The following SPOCD1 variants were observed in gnomAD, a reference collection of about 807,000 sequenced individuals.
SPOCD1 encodes SPOC domain containing 1, also known as SPOC domain-containing protein 1.
In SPOCD1, 64 loss-of-function variants were observed where a neutral mutation model predicts 92.2. The ratio of observed to expected loss-of-function variants is 0.69; its 90% CI spans 0.57 to 0.86. The LOEUF is 0.86. Among genes scored for constraint, SPOCD1 ranks in the 40% least tolerant of loss-of-function variants. SPOCD1 has a pLI of 0.00. For missense variants in SPOCD1, 1,360 were observed against 1,543.1 expected (o/e 0.88, Z 1.99); for synonymous variants, 578 against 619.3 (o/e 0.93, Z 0.99).
In SPOCD1 at chr1:31,793,772, A is replaced by G; in HGVS notation, c.2509T>C (p.Leu837=). 1 of 1,613,890 alleles carries G rather than the reference A, an allele frequency of 6.2e-7. No homozygotes were observed. Among genetic ancestry groups the G allele is most frequent in the Non-Finnish European group, 8.5e-7 (1 of 1,179,984 alleles). The stretch of plus-strand genomic sequence containing the variant: ...CTGTCCTGTGGTTCCGTGGGAGACA[A>G]CTCCCTGGTTTTGGGCATCTCTGGA... ...PAPEMPKTRE[L]SPTEPQDRVP... The change falls in exon 12 of 16, where the codon TTG becomes CTG. Residue 837 remains leucine, a synonymous_variant. Transcript: ENST00000360482.
At position 31,793,875 on chromosome 1, in the gene SPOCD1, C is replaced by A; in HGVS notation, c.2406G>T (p.Leu802=). The A allele has an allele frequency of 6.2e-7, 1 of 1,613,112 alleles. No individual in the cohort carries two copies. The highest frequency in any genetic ancestry group is 2.2e-5 in the East Asian group (1 of 44,850). ...ICKDWEPSNE[L]LGSFEAAKSC... ...TCTTGGCGGCTTCGAAGGAGCCTAG[C>A]AGCTCATTCGAGGGCTCCCAGTCTG... The change falls in exon 12 of 16, where the codon CTG becomes CTT. Residue 802 remains leucine (L), a synonymous_variant. Coordinates refer to ENST00000360482, the MANE Select transcript of SPOCD1 (RefSeq NM_144569.7).
intron 2 of SPOCD1, among the ~76,000 whole-genome samples, chr1:31,804,817 G>A (rs2149111084): frequency 6.6e-6 from 1 of 151,908 alleles, no homozygotes; most frequent in Non-Finnish European, 1.5e-5. Flanking sequence ...AAAAAGATAG[G>A]ACTAATTTAC....
intron 2 of SPOCD1, among the ~76,000 whole-genome samples, chr1:31,810,796 A>C (rs1350595541): frequency 6.6e-6 from 1 of 152,148 alleles, no homozygotes; most frequent in African/African-American, 2.4e-5. Context: ...ACCTCTTGAC[A>C]CTTTGCAGCT....
intron 2 of SPOCD1, among the ~76,000 whole-genome samples, chr1:31,805,169 A>G (rs1648739790): frequency 6.6e-6 from 1 of 151,394 alleles, no homozygotes; most frequent in Admixed American, 6.6e-5. Flanking sequence ...TATTTTTAGT[A>G]GAGACAGGGT....
At position 31,793,732 on chromosome 1, in the gene SPOCD1, C is replaced by T; in HGVS notation, c.2534+15G>A. On this transcript the variant is annotated intron_variant, in intron 12 of 15. Transcript: ENST00000360482. Reference sequence around the variant, plus strand: ...CCCTGCTGGGTTATCCACCTCCCTGCTCCCAACCCCACACCTGTCCTGTGG... The same window carrying T: ...CCCTGCTGGGTTATCCACCTCCCTGTTCCCAACCCCACACCTGTCCTGTGG... 6.2e-7 allele frequency: 1 copy of T among 1,613,920 alleles called. No individual in the cohort carries two copies.
chr1:31,799,863 T>G lies in SPOCD1; in HGVS notation c.1729A>C (p.Ser577Arg). The G allele has an allele frequency of 6.2e-7, 1 of 1,614,100 alleles. No individual in the cohort carries two copies. The highest frequency in any genetic ancestry group is 8.5e-7 in the Non-Finnish European group (1 of 1,180,008). The stretch of plus-strand genomic sequence containing the variant: ...TCCTCTTCAGCCTCCATTGGGCCAC[T>G]CTGTAGGGGAGGCGTGAGGAATTGA... ...DPSSDPACSQ[S>R]GPMEAEEDSL... The change falls in exon 6 of 16, where the codon AGT (serine) becomes CGT (arginine). Residue 577 changes from serine to arginine, a missense_variant and splice_region_variant. This residue lies in a region of SPOCD1 where 606 missense variants were observed against 601.5 expected (regional missense o/e 1.01). Coordinates refer to ENST00000360482, the MANE Select transcript of SPOCD1 (RefSeq NM_144569.7).
In SPOCD1 at chr1:31,796,718, G is replaced by C. The variant is rs1273525252; in HGVS notation, c.2146-3C>G. On this transcript the variant is annotated splice_polypyrimidine_tract_variant and splice_region_variant and intron_variant, in intron 9 of 15. Transcript: ENST00000360482. Reference sequence around the variant, plus strand: ...TGCTGCTCAATGATATTCAGGCCCTGAAGAGGTGGAGCAGGCCAAGCTGAG... The same window carrying C: ...TGCTGCTCAATGATATTCAGGCCCTCAAGAGGTGGAGCAGGCCAAGCTGAG... The C allele has an allele frequency of 6.2e-7, 1 of 1,614,236 alleles. No homozygotes were observed.
Position 31,798,356 on chromosome 1 carries a change from C to G in SPOCD1, c.2029-33G>C. ...GGGCAGGGGGCAGGGCTGCACCACA[C>G]GCTGAAAGAGCTCCCCCACCCTAGC... On this transcript the variant is annotated intron_variant, in intron 8 of 15. Coordinates refer to ENST00000360482, the MANE Select transcript of SPOCD1 (RefSeq NM_144569.7). The surrounding 1 kb of genome is among the most constrained non-coding windows in gnomAD (Gnocchi z 4.1). 2 of 1,600,738 alleles carry G rather than the reference C, an allele frequency of 1.2e-6. No individual in the cohort carries two copies. Among genetic ancestry groups the G allele is most frequent in the Non-Finnish European group, 1.7e-6 (2 of 1,171,690 alleles).
At chr1:31,799,579 G>C (rs1648290758) in intron 6 of SPOCD1, 94 bp from the exon 7 acceptor site, 1 of 1,236,794 alleles carries the variant, frequency 8.1e-7, no homozygotes. Flanking sequence ...GACAGGAGAG[G>C]GGTCCCACCC....
intron 13 of SPOCD1, 36 bp from the exon 14 acceptor site, chr1:31,792,803 C>T (rs1647702217): frequency 2.0e-6 from 3 of 1,521,908 alleles, no homozygotes; most frequent in Admixed American, 1.9e-5. Flanking sequence ...AGCTCCCCAG[C>T]TTCCCACCCA....
chr1:31,810,734 G>A (rs1165528103), intron 2 of SPOCD1, among the ~76,000 whole-genome samples: 1 of 152,156 alleles, frequency 6.6e-6, no homozygotes, highest in Non-Finnish European at 1.5e-5. Flanking sequence ...CTAATGAAAC[G>A]AGCTCCTCTT....
At chr1:31,792,564 G>A (rs1388426760) in intron 14 of SPOCD1, 114 bp downstream of exon 14, 1 of 1,140,090 alleles carries the variant, frequency 8.8e-7, no homozygotes, top group Non-Finnish European at 1.3e-6. Context: ...TGAGTCTGCA[G>A]TCACTCTGGG....
chr1:31,814,433 A>G lies in SPOCD1; in HGVS notation c.901T>C (p.Cys301Arg), dbSNP rs760527162. ...TGDGPQPGSP[C>R]GPVGFPVPSG... ...GGCACTGGGAACCCGACAGGGCCACAGGGGCTGCCTGGCTGGGGCCCATCC... is the reference window on the plus strand; with the variant it reads ...GGCACTGGGAACCCGACAGGGCCACGGGGGCTGCCTGGCTGGGGCCCATCC... The change falls in exon 2 of 16, where the codon TGT becomes CGT. Residue 301 changes from cysteine (C) to arginine (R), a missense_variant. Physicochemically the swap from Cys to Arg is radical, Grantham distance 180 (BLOSUM62 -3). Around this residue, in one of 3 missense-constraint regions of SPOCD1, gnomAD observed 606 missense variants for 601.5 expected, o/e 1.01. Coordinates refer to ENST00000360482, the MANE Select transcript of SPOCD1 (RefSeq NM_144569.7). This position sits in a 1 kb window ranked among gnomAD's most constrained non-coding sequence, Gnocchi z 4.2. 7.5e-6 allele frequency: 12 copies of G among 1,607,056 alleles called. No individual in the cohort carries two copies. The highest frequency in any genetic ancestry group is 1.0e-5 in the Non-Finnish European group (12 of 1,176,538).
intron 11 of SPOCD1, 105 bp downstream of exon 11, chr1:31,794,019 G>C: frequency 6.6e-7 from 1 of 1,504,420 alleles, no homozygotes; most frequent in Non-Finnish European, 9.1e-7. Flanking sequence ...GGGCACCCCT[G>C]CTCTGCCACC....
chr1:31,811,070 G>A (rs373281407), intron 2 of SPOCD1, among the ~76,000 whole-genome samples: 2 of 152,076 alleles, frequency 1.3e-5, no homozygotes, highest in East Asian at 1.9e-4. Flanking sequence ...AATACAACAC[G>A]GCCAGCCTCT....
Position 31,790,484 on chromosome 1 carries a change from G to GC in SPOCD1, c.*118_*119insG. 2.3e-6 allele frequency: 2 copies of GC among 883,666 alleles called. No homozygotes were observed. Among genetic ancestry groups the GC allele is most frequent in the Middle Eastern group, 3.1e-4 (1 of 3,186 alleles). 54.7% of individuals were successfully genotyped at this position (883,666 alleles called of 1,614,324 possible). A position where few individuals can be genotyped will look rare whatever the true frequency, so the allele number is the denominator to read the frequency against. On this transcript the variant is annotated 3_prime_UTR_variant, in exon 16 of 16. Coordinates refer to ENST00000360482, the MANE Select transcript of SPOCD1 (RefSeq NM_144569.7). ...AACAGCAAACATTGTCAAACAGGAA[G>GC]TTCAAACAGGGCAGGTGGGTAGGGC...
chr1:31,795,675 T>C (rs1647957720), intron 10 of SPOCD1: 1 of 152,280 alleles, frequency 6.6e-6, no homozygotes, highest in South Asian at 2.1e-4. Flanking sequence ...TCCCAGTCGT[T>C]GGCCTGAATA....
In SPOCD1 at chr1:31,814,317, C is replaced by A; in HGVS notation, c.1017G>T (p.Glu339Asp). The change falls in exon 2 of 16, where the codon GAG becomes GAT. Residue 339 changes from glutamate (E) to aspartate (D), a missense_variant. By Grantham distance (45) the Glu-to-Asp change is conservative. Coordinates refer to ENST00000360482, the MANE Select transcript of SPOCD1 (RefSeq NM_144569.7). This position sits in a 1 kb window ranked among gnomAD's most constrained non-coding sequence, Gnocchi z 4.2. Reference sequence around the variant, plus strand: ...GCACGACACACACAGCTTCTTGCTGCTCTGCAGAGGCCTGTGCTGACGCCC... The same window carrying A: ...GCACGACACACACAGCTTCTTGCTGATCTGCAGAGGCCTGTGCTGACGCCC... ...CLGASAQASA[E>D]QQEAVCVVRT... 1 of 1,575,484 alleles carries A rather than the reference C, an allele frequency of 6.3e-7. No individual in the cohort carries two copies. Among genetic ancestry groups the A allele is most frequent in the Admixed American group, 1.8e-5 (1 of 56,122 alleles).
At chr1:31,801,939 G>A (rs553246329) in intron 2 of SPOCD1, among the ~76,000 whole-genome samples, 10 of 152,252 alleles carry the variant, frequency 6.6e-5, no homozygotes, top group East Asian at 1.9e-4. Context: ...AGGCTGAGGC[G>A]GGTGGATCAC....
Sources: allele counts gnomAD v4.1 joint callset (sites outside exome capture counted in the v4.1 genomes callset), GRCh38; gene constraint gnomAD v4.1.1; regional missense constraint gnomAD v4.1.1; non-coding constraint Gnocchi (gnomAD v3.1); transcripts MANE v1.5; gene names NCBI Gene and HGNC (gene_info 2026-07-23, HGNC 2026-07-21).